Variants in FXYD4 observed in about 807,000 individuals in gnomAD.
The protein encoded by FXYD4 is FXYD domain containing ion transport regulator 4.
In FXYD4, 14 loss-of-function variants were observed where a neutral mutation model predicts 18.3. The observed-to-expected ratio is 0.77, with a 90% confidence interval of 0.51 to 1.20. The LOEUF is 1.20. FXYD4 is among the 50% of genes most tolerant of loss of function. The pLI, the probability that FXYD4 is intolerant of heterozygous loss-of-function variation, is 0.00. For missense variants in FXYD4, 99 were observed against 106.1 expected (o/e 0.93, Z 0.29); for synonymous variants, 40 against 40.5 (o/e 0.99, Z 0.04).
chr10:43,375,874 C>A (rs1380401683), intron 7 of FXYD4, 140 bp downstream of exon 7: 2 of 1,209,164 alleles, frequency 1.7e-6, no homozygotes, highest in South Asian at 1.2e-5. Flanking sequence ...CCCTGAAGGG[C>A]CCCAGTCAGG....
intron 6 of FXYD4, 37 bp from the exon 7 acceptor site, chr10:43,375,658 G>T (rs1237565025): frequency 1.9e-6 from 3 of 1,613,118 alleles, no homozygotes; most frequent in East Asian, 2.2e-5. Flanking sequence ...TCTCATTCCA[G>T]CACTGACCCT....
At position 43,376,186 on chromosome 10, in the gene FXYD4, G is replaced by A. The variant is rs1378189714; in HGVS notation, c.*20G>A. On this transcript the variant is annotated 3_prime_UTR_variant, in exon 9 of 9. Transcript: ENST00000476166. ...TGCTGAGCACAGGACTGGCCTCCAG[G>A]GATGGCCTGAAGCCTAACACTGGCC... The A allele has an allele frequency of 1.2e-6, 2 of 1,612,958 alleles. No homozygotes were observed. The highest frequency in any genetic ancestry group is 4.5e-5 in the East Asian group (2 of 44,878).
rs1588981940 is a variant in FXYD4 at position 43,376,333 on chromosome 10, C to T, written c.*167C>T. 2 of 680,750 alleles carry T rather than the reference C, an allele frequency of 2.9e-6. No individual in the cohort carries two copies. Among genetic ancestry groups the T allele is most frequent in the East Asian group, 2.7e-5 (1 of 36,774 alleles). The allele number at this position is 680,750 out of a possible 1,614,324, so 42.2% of individuals were successfully genotyped here. ...TGAATTAAACTCGCCCCACCACCCC[C>T]TCCTCGGTAGTCTTGTGATCCATCG... is the stretch of plus-strand genomic sequence containing the variant. On this transcript the variant is annotated 3_prime_UTR_variant, in exon 9 of 9. Transcript: ENST00000476166.
intron 5 of FXYD4, among the ~76,000 whole-genome samples, chr10:43,375,172 G>A (rs1302837960): frequency 3.3e-5 from 5 of 151,632 alleles, no homozygotes; most frequent in Non-Finnish European, 5.9e-5. Context: ...GACTACAGGC[G>A]CCTGCCGCCA....
At chr10:43,375,609 T>C in intron 6 of FXYD4, 36 bp downstream of exon 6, 1 of 1,607,772 alleles carries the variant, frequency 6.2e-7, no homozygotes, top group Non-Finnish European at 8.5e-7. Flanking sequence ...GAGGACAGGG[T>C]GGGGCTGGCG....
intron 4 of FXYD4, 30 bp downstream of exon 4, chr10:43,374,532 C>T (rs1268553210): frequency 7.4e-6 from 12 of 1,613,514 alleles, no homozygotes; most frequent in South Asian, 1.1e-5. Flanking sequence ...AGCCTGCCCA[C>T]TCTGCCCACA....
chr10:43,375,526 T>G lies in FXYD4; in HGVS notation c.125T>G (p.Leu42Arg), dbSNP rs754433020. 1.9e-6 allele frequency: 3 copies of G among 1,613,954 alleles called. No homozygotes were observed. Among genetic ancestry groups the G allele is most frequent in the Non-Finnish European group, 2.5e-6 (3 of 1,179,960 alleles). Residue 42 changes from leucine (L) to arginine (R), a missense_variant, in exon 6 of 9, where the codon CTG (leucine) becomes CGG (arginine). By Grantham distance (102) the Leu-to-Arg change is moderately radical. Transcript: ENST00000476166. ...TGGAAAAACCTGCAGCTGAGCGGAC[T>G]GATCTGCGGAGGGCTCCTGGCCATT... ...YDWKNLQLSG[L>R]ICGGLLAIAG... is the part of the protein sequence containing the mutation.
At chr10:43,373,948 G>A (rs1490634615) in intron 3 of FXYD4, among the ~76,000 whole-genome samples, 165 bp downstream of exon 3, 2 of 152,264 alleles carry the variant, frequency 1.3e-5, no homozygotes, top group African/African-American at 2.4e-5. Context: ...CAGGTAGGAT[G>A]AGAATATTGC....
At chr10:43,374,861 T>C (rs1284300674) in intron 5 of FXYD4, among the ~76,000 whole-genome samples, 3 of 151,602 alleles carry the variant, frequency 2.0e-5, no homozygotes, top group Non-Finnish European at 4.4e-5. Context: ...GGCACCCCGA[T>C]AAATCACCCC....
At chr10:43,373,367 G>T in intron 2 of FXYD4, 148 bp from the exon 3 acceptor site, 2 of 210,442 alleles carry the variant, frequency 9.5e-6, no homozygotes, top group Non-Finnish European at 1.9e-5. Flanking sequence ...CTCTGAAATA[G>T]AGACAATAAT....
At position 43,375,740 on chromosome 10, in the gene FXYD4, C is replaced by T. The variant is rs763682664; in HGVS notation, c.212+6C>T. On this transcript the variant is annotated splice_donor_region_variant and intron_variant, in intron 7 of 8. Transcript: ENST00000476166. ...AGCAGCCAGAAGCAGCACAGGTGAG[C>T]CTGACCCTATGGTGCCCTCCTCCTT... 1.7e-5 allele frequency: 27 copies of T among 1,613,748 alleles called. No homozygotes were observed. In the African/African-American group the frequency reaches 3.2e-4, roughly 19 times the overall value.
Position 43,376,032 on chromosome 10 carries a change from T to C in FXYD4, c.213T>C (p.Ser71=), listed in dbSNP as rs531604362. The C allele has an allele frequency of 6.2e-7, 1 of 1,613,934 alleles. No individual in the cohort carries two copies. Among genetic ancestry groups the C allele is most frequent in the African/African-American group, 1.3e-5 (1 of 74,890 alleles). ...CKCKSSQKQH[S]PVPEKAIPLI... ...TACTCTGATGTGGTCCTTTCTCTAG[T>C]CCTGTACCTGAGAAGGCCATCCCAC... is the stretch of plus-strand genomic sequence containing the variant. The change falls in exon 8 of 9, where the codon AGT becomes AGC. Residue 71 remains serine (S), a splice_region_variant and synonymous_variant. Transcript: ENST00000476166.
chr10:43,376,263 C>T lies in FXYD4; in HGVS notation c.*97C>T. 9 of 1,349,126 alleles carry T rather than the reference C, an allele frequency of 6.7e-6. No individual in the cohort carries two copies. Among genetic ancestry groups the T allele is most frequent in the Non-Finnish European group, 8.4e-6 (8 of 947,310 alleles). The allele number at this position is 1,349,126 out of a possible 1,614,324, so 83.6% of individuals were successfully genotyped here. The stretch of plus-strand genomic sequence containing the variant: ...TTATCCTCAAGGAAGGACTTCTCTC[C>T]AAGGGCAGGCTGTTAGGCCCCTTTC... On this transcript the variant is annotated 3_prime_UTR_variant, in exon 9 of 9. Coordinates refer to ENST00000476166, the MANE Select transcript of FXYD4 (RefSeq NM_173160.3).
intron 7 of FXYD4, 132 bp downstream of exon 7, chr10:43,375,866 C>A: frequency 8.2e-7 from 1 of 1,219,574 alleles, no homozygotes; most frequent in Non-Finnish European, 1.2e-6. Context: ...ATAGTCAACC[C>A]TGAAGGGCCC....
intron 3 of FXYD4, among the ~76,000 whole-genome samples, chr10:43,374,125 G>A (rs1184516683): frequency 6.6e-6 from 1 of 152,210 alleles, no homozygotes; most frequent in Non-Finnish European, 1.5e-5. Context: ...TTGAGCCTGG[G>A]AGGTCGAGGT....
intron 3 of FXYD4, 122 bp downstream of exon 3, chr10:43,373,905 A>G (rs1052569047): frequency 1.3e-6 from 1 of 771,858 alleles, no homozygotes; most frequent in Non-Finnish European, 2.4e-6. Flanking sequence ...TTAAACTGCC[A>G]ATTTAGAGAG....
At chr10:43,374,355 G>T in intron 3 of FXYD4, 115 bp from the exon 4 acceptor site, 1 of 959,124 alleles carries the variant, frequency 1.0e-6, no homozygotes, top group Non-Finnish European at 1.7e-6. Context: ...CGTGAGGAAG[G>T]GAACTGGTGG....
At position 43,376,026 on chromosome 10, in the gene FXYD4, C is replaced by A. The variant is rs758270091; in HGVS notation, c.213-6C>A. The A allele has an allele frequency of 6.2e-7, 1 of 1,614,086 alleles. No individual in the cohort carries two copies. The highest frequency in any genetic ancestry group is 8.5e-7 in the Non-Finnish European group (1 of 1,179,922). ...TGATACTACTCTGATGTGGTCCTTT[C>A]TCTAGTCCTGTACCTGAGAAGGCCA... On this transcript the variant is annotated splice_region_variant and splice_polypyrimidine_tract_variant and intron_variant, in intron 7 of 8. Transcript: ENST00000476166.
chr10:43,375,628 G>A, intron 6 of FXYD4, 55 bp downstream of exon 6: 6 of 1,607,280 alleles, frequency 3.7e-6, no homozygotes, highest in Non-Finnish European at 5.1e-6. Context: ...CGGACAGGGT[G>A]GGGCAGAAAG....
Sources: gnomAD v4.1 joint callset for allele counts (sites outside exome capture counted in the v4.1 genomes callset) on GRCh38, gnomAD v4.1.1 for gene constraint, MANE v1.5 for transcripts, NCBI Gene and HGNC (gene_info 2026-07-23, HGNC 2026-07-21) for gene names.